The following LPA variants were observed in gnomAD, a reference collection of about 807,000 sequenced individuals.
LPA encodes the protein lipoprotein(a).
LPA carries 199 observed loss-of-function variants against 197.9 expected under a neutral mutation model. The ratio of observed to expected loss-of-function variants is 1.01; its 90% confidence interval spans 0.90 to 1.13. LPA has a LOEUF of 1.13. Among genes scored for constraint, LPA ranks in the 50% most tolerant of loss-of-function variants. The pLI, the probability that LPA is intolerant of heterozygous loss-of-function variation, is 0.00. For missense variants in LPA, 1,853 were observed against 1,785.8 expected (o/e 1.04, Z -0.68); for synonymous variants, 715 against 639.5 (o/e 1.12, Z -1.78).
At chr6:160,551,454 G>T (rs73784280) in intron 30 of LPA, among the ~76,000 whole-genome samples, 3,139 of 152,256 alleles carry the variant, frequency 0.021, 104 homozygotes, top group African/African-American at 0.071. Context: ...CAGATATATG[G>T]ACAGAGAGCA....
At chr6:160,579,808 G>A (rs1266627941) in intron 26 of LPA, among the ~76,000 whole-genome samples, 1 of 152,222 alleles carries the variant, frequency 6.6e-6, no homozygotes, top group African/African-American at 2.4e-5. Context: ...GAGGATGTTA[G>A]GCAGTGGTTT....
chr6:160,601,152 A>T, intron 18 of LPA, 54 bp from the exon 19 acceptor site: 9 of 1,519,492 alleles, frequency 5.9e-6, no homozygotes, highest in Non-Finnish European at 8.2e-6. Flanking sequence ...ATGCAGGAAC[A>T]CTGTATATTT....
intron 18 of LPA, among the ~76,000 whole-genome samples, 158 bp from the exon 19 acceptor site, chr6:160,601,256 C>A (rs1015076914): frequency 6.6e-5 from 10 of 152,168 alleles, no homozygotes; most frequent in African/African-American, 2.4e-4. Flanking sequence ...AATCTCTAAT[C>A]CTCTCTGCAC....
intron 28 of LPA, among the ~76,000 whole-genome samples, chr6:160,567,611 A>C: frequency 6.6e-6 from 1 of 152,192 alleles, no homozygotes; most frequent in African/African-American, 2.4e-5. Context: ...AAACACATTA[A>C]AAAGCTAGCA....
chr6:160,601,180 T>G (rs1263182166), intron 18 of LPA, 82 bp from the exon 19 acceptor site: 1 of 1,215,508 alleles, frequency 8.2e-7, no homozygotes, highest in Non-Finnish European at 1.2e-6. Flanking sequence ...ACAAGGTCAT[T>G]ACTGGTGCCT....
In LPA at chr6:160,568,765, A is replaced by G. The variant is rs1325837101; in HGVS notation, c.4631+8371T>C. Among the ~76,000 whole-genome samples, 3 of 152,366 alleles carry G rather than the reference A, an allele frequency of 2.0e-5. No individual in the cohort carries two copies. In the South Asian group the frequency reaches 6.2e-4, roughly 32 times the overall value. On this transcript the variant is annotated intron_variant, in intron 28 of 38. Coordinates refer to ENST00000316300, the MANE Select transcript of LPA (RefSeq NM_005577.4). ...ATCTTCTCAGACCAAAATCTCCTTAAGCTGATAAGCAACTTCAGCAAAGTC... is the reference window on the plus strand; with the variant it reads ...ATCTTCTCAGACCAAAATCTCCTTAGGCTGATAAGCAACTTCAGCAAAGTC...
At chr6:160,540,224 C>T in intron 35 of LPA, 41 bp from the exon 36 acceptor site, 1 of 1,613,464 alleles carries the variant, frequency 6.2e-7, no homozygotes, top group South Asian at 1.1e-5. Context: ...TATGGTCCAG[C>T]CCCTTCAGGT....
rs1562315491 is a variant in LPA, at chr6:160,542,797, A to T, written c.5410T>A (p.Phe1804Ile). 6.2e-7 allele frequency: 1 copy of T among 1,614,034 alleles called. No individual in the cohort carries two copies. The highest frequency in any genetic ancestry group is 8.5e-7 in the Non-Finnish European group (1 of 1,179,934). ...CDIPLCASSSFDCGKPQVEPK... is the reference protein window; with the variant it reads ...CDIPLCASSSIDCGKPQVEPK... ...TCCACTTGAGGCTTCCCACAATCAA[A>T]TGAAGAGGATGCTGTGGCACAAGGT... The change falls in exon 34 of 39, where the codon TTT becomes ATT. Residue 1804 changes from phenylalanine (F) to isoleucine (I), a missense_variant. By Grantham distance (21) the Phe-to-Ile change is conservative. This residue lies in a region of LPA where 1,737 missense variants were observed against 1,504.4 expected (regional missense o/e 1.15). Coordinates refer to ENST00000316300, the MANE Select transcript of LPA (RefSeq NM_005577.4).
At chr6:160,647,844 TAAA>T (rs1190933149) in intron 2 of LPA, among the ~76,000 whole-genome samples, 1 of 152,236 alleles carries the variant, frequency 6.6e-6, no homozygotes, top group Non-Finnish European at 1.5e-5. Context: ...AACTCTCATT[TAAA>T]AAGATATAAA....
intron 30 of LPA, among the ~76,000 whole-genome samples, chr6:160,555,562 T>G (rs1296336608): frequency 1.3e-5 from 2 of 149,866 alleles, no homozygotes; most frequent in African/African-American, 4.9e-5. Flanking sequence ...TATATGTATA[T>G]ATATACATAC....
In LPA at chr6:160,609,331, T is replaced by A. The variant is rs559721552; in HGVS notation, c.2603+2231A>T. Among the ~76,000 whole-genome samples, 14 of 152,270 alleles carry A rather than the reference T, an allele frequency of 9.2e-5. 1 individual carries two copies. The South Asian group carries it at 1.7e-3, about 18-fold the overall frequency. ...TTCTCGGTTGATCTCTTCTTGTTCCTCATTATCATTTTAATAATATTCCCT... is the reference window on the plus strand; with the variant it reads ...TTCTCGGTTGATCTCTTCTTGTTCCACATTATCATTTTAATAATATTCCCT... On this transcript the variant is annotated intron_variant, in intron 16 of 38. Transcript: ENST00000316300.
chr6:160,653,523 T>C (rs1192701734), intron 1 of LPA, among the ~76,000 whole-genome samples: 1 of 151,526 alleles, frequency 6.6e-6, no homozygotes, highest in East Asian at 1.9e-4. Flanking sequence ...AGTTCTGAAG[T>C]TGAATCAGTA....
At position 160,604,053 on chromosome 6, in the gene LPA, C is replaced by T. The variant is rs117540984; in HGVS notation, c.2945+993G>A. Among the ~76,000 whole-genome samples the T allele has an allele frequency of 1.7e-3, 254 of 152,280 alleles. 6 individuals carry two copies. In the East Asian group the frequency reaches 0.037, roughly 22 times the overall value. On this transcript the variant is annotated intron_variant, in intron 18 of 38. Coordinates refer to ENST00000316300, the MANE Select transcript of LPA (RefSeq NM_005577.4). ...TTCTTTTCTCTACTTTCTTGTGGAA[C>T]CTTTTTCTGGGCACATGCAACGTCA...
chr6:160,610,151 A>T (rs1582884484), intron 16 of LPA, among the ~76,000 whole-genome samples: 1 of 152,056 alleles, frequency 6.6e-6, no homozygotes, highest in Non-Finnish European at 1.5e-5. Flanking sequence ...CTGGTCATGG[A>T]TCACACGAAA....
At chr6:160,647,054 TG>T (rs2115093699) in intron 2 of LPA, among the ~76,000 whole-genome samples, 1 of 152,334 alleles carries the variant, frequency 6.6e-6, no homozygotes, top group South Asian at 2.1e-4. Context: ...AAAGCTGCCC[TG>T]GAAAACTTGC....
chr6:160,609,799 G>T (rs1456135280), intron 16 of LPA, among the ~76,000 whole-genome samples: 4 of 151,744 alleles, frequency 2.6e-5, no homozygotes, highest in African/African-American at 7.3e-5. Flanking sequence ...GAACTTGTGA[G>T]TTTTTGCATG....
chr6:160,654,761 A>C (rs1780102319), intron 1 of LPA, among the ~76,000 whole-genome samples: 1 of 152,218 alleles, frequency 6.6e-6, no homozygotes, highest in Admixed American at 6.5e-5. Context: ...TGATAAAGGA[A>C]AAATAAAGGA....
At chr6:160,559,098 ACCTGTGGAG>A (rs1778320149) in intron 28 of LPA, among the ~76,000 whole-genome samples, 1 of 152,132 alleles carries the variant, frequency 6.6e-6, no homozygotes, top group Admixed American at 6.6e-5. Flanking sequence ...CAACACCTAT[ACCTGTGGAG>A]CCCAAACTCC....
chr6:160,543,049 G>A (rs1391200468), intron 33 of LPA, among the ~76,000 whole-genome samples: 1 of 152,144 alleles, frequency 6.6e-6, no homozygotes, highest in Non-Finnish European at 1.5e-5. Flanking sequence ...TTACTGAAAG[G>A]CACAAAGGAT....
Sources: gnomAD v4.1 joint callset for allele counts (sites outside exome capture counted in the v4.1 genomes callset) on GRCh38, gnomAD v4.1.1 for gene constraint, gnomAD v4.1.1 regional missense constraint, MANE v1.5 for transcripts, NCBI Gene and HGNC (gene_info 2026-07-23, HGNC 2026-07-21) for gene names.